Variants in MYO10 observed in about 807,000 individuals in gnomAD.
MYO10 encodes unconventional myosin-X.
MYO10 carries 133 observed loss-of-function variants against 257.3 expected under a neutral mutation model. The ratio of observed to expected loss-of-function variants is 0.52; its 90% CI spans 0.45 to 0.60. The LOEUF (loss-of-function observed/expected upper bound fraction) is 0.60, where lower values mean the gene tolerates loss of function less well. MYO10 is among the 20% of genes least tolerant of loss of function. The probability of loss-of-function intolerance (pLI) is 0.00; values close to 1 mark genes in which losing one functional copy is unlikely to be tolerated. For missense variants in MYO10, 2,399 were observed against 2,635.7 expected (o/e 0.91, Z 1.97); for synonymous variants, 1,104 against 1,028.6 (o/e 1.07, Z -1.40).
intron 27 of MYO10, among the ~76,000 whole-genome samples, chr5:16,693,476 C>T (rs1204270590): frequency 6.6e-6 from 1 of 152,226 alleles, no homozygotes; most frequent in East Asian, 1.9e-4. Context: ...CATGAGTTTT[C>T]CCTTACAATC....
rs183292268 is a variant in MYO10, at chr5:16,745,414, G to A, written c.1929+9414C>T. ...AAAAATTCAAAAGCAGACCAGGCAC[G>A]GTGAGTCACATCTGTAATCCCAGCA... On this transcript the variant is annotated intron_variant, in intron 19 of 40. Coordinates refer to ENST00000513610, the MANE Select transcript of MYO10 (RefSeq NM_012334.3). Among the ~76,000 whole-genome samples the A allele has an allele frequency of 5.9e-3, 898 of 152,252 alleles. 4 individuals are homozygous for A. The highest frequency in any genetic ancestry group is 9.4e-3 in the Non-Finnish European group (642 of 68,020).
Position 16,830,145 on chromosome 5 carries a change from C to G in MYO10, c.121-11978G>C, listed in dbSNP as rs75721238. Among the ~76,000 whole-genome samples, 411 of 151,572 alleles carry G rather than the reference C, an allele frequency of 2.7e-3. 3 individuals are homozygous for G. Among genetic ancestry groups the G allele is most frequent in the African/African-American group, 9.7e-3 (399 of 41,312 alleles). ...CAGCTACTTGGGAGGCTGAGGTTGA[C>G]GAATTACTTGAACCCAGGAGGCAGA... On this transcript the variant is annotated intron_variant, in intron 2 of 40. Transcript: ENST00000513610.
At chr5:16,752,614 G>C (rs1740410116) in intron 19 of MYO10, among the ~76,000 whole-genome samples, 1 of 152,166 alleles carries the variant, frequency 6.6e-6, no homozygotes. Context: ...ATTGACAAAA[G>C]ACCTTGCACG....
rs376325340 is a variant in MYO10 at position 16,701,389 on chromosome 5, G to A, written c.3006C>T (p.Asp1002=). The A allele has an allele frequency of 1.1e-4, 172 of 1,613,884 alleles. No homozygotes were observed. Among genetic ancestry groups the A allele is most frequent in the Admixed American group, 3.3e-4 (20 of 60,004 alleles). ...EVDEGFEADD[D]AFKDSPNPSE... Reference sequence around the variant, plus strand: ...TGGGGTTGGGGGAGTCCTTGAAGGCGTCGTCGTCGGCTTCGAAGCCCTCAT... The same window carrying A: ...TGGGGTTGGGGGAGTCCTTGAAGGCATCGTCGTCGGCTTCGAAGCCCTCAT... The change falls in exon 25 of 41, where the codon GAC becomes GAT. Residue 1002 remains aspartate (D), a synonymous_variant. Transcript: ENST00000513610. The surrounding 1 kb of genome is among the most constrained non-coding windows in gnomAD (Gnocchi z 8.1).
chr5:16,832,923 G>A (rs1255771870), intron 2 of MYO10, among the ~76,000 whole-genome samples: 7 of 152,074 alleles, frequency 4.6e-5, no homozygotes, highest in Admixed American at 4.6e-4. Flanking sequence ...TCCCTCCATT[G>A]CCAACCACTG....
chr5:16,745,582 G>T (rs1044167244), intron 19 of MYO10, among the ~76,000 whole-genome samples: 1 of 152,078 alleles, frequency 6.6e-6, no homozygotes, highest in African/African-American at 2.4e-5. Flanking sequence ...CCAGCTATTT[G>T]GGAGGCTGGG....
In MYO10 at chr5:16,935,909, C is replaced by A. The variant is rs1410210002; in HGVS notation, c.-101G>T. ...ACCATGCGTGTCACGGCGCCACTCC[C>A]GAGGACGCGCGCCCGCGGGGCTCCC... is the stretch of plus-strand genomic sequence containing the variant. On this transcript the variant is annotated 5_prime_UTR_variant, in exon 1 of 41. Transcript: ENST00000513610. 8 of 1,438,208 alleles carry A rather than the reference C, an allele frequency of 5.6e-6. No homozygotes were observed. The highest frequency in any genetic ancestry group is 5.7e-6 in the Non-Finnish European group (6 of 1,048,414). 89.1% of individuals were successfully genotyped at this position (1,438,208 alleles called of 1,614,324 possible). A position where few individuals can be genotyped will look rare whatever the true frequency, so the allele number is the denominator to read the frequency against.
intron 26 of MYO10, among the ~76,000 whole-genome samples, chr5:16,697,557 G>T (rs2126538868): frequency 6.6e-6 from 1 of 152,214 alleles, no homozygotes; most frequent in East Asian, 1.9e-4. Flanking sequence ...AAAATTAGCT[G>T]GGCATTGGCG....
chr5:16,719,146 G>A (rs891606174), intron 19 of MYO10, among the ~76,000 whole-genome samples: 1 of 152,126 alleles, frequency 6.6e-6, no homozygotes, highest in Non-Finnish European at 1.5e-5. Flanking sequence ...ACGAAGATCT[G>A]CAGCTTCACT....
chr5:16,823,725 G>A (rs1280357142), intron 2 of MYO10, among the ~76,000 whole-genome samples: 2 of 149,884 alleles, frequency 1.3e-5, no homozygotes, highest in Non-Finnish European at 3.0e-5. Flanking sequence ...GCCCGCCTTG[G>A]CCTCCCAAAA....
intron 19 of MYO10, among the ~76,000 whole-genome samples, chr5:16,752,307 G>C (rs1420708469): frequency 2.0e-5 from 3 of 152,164 alleles, no homozygotes; most frequent in African/African-American, 7.2e-5. Flanking sequence ...TTTTGAAACA[G>C]AGTCTTGCTG....
chr5:16,727,669 A>G (rs961032103), intron 19 of MYO10, among the ~76,000 whole-genome samples: 8 of 152,130 alleles, frequency 5.3e-5, no homozygotes, highest in Non-Finnish European at 8.8e-5. Context: ...TCCCTAACAA[A>G]TTTATATTTA....
At chr5:16,913,950 C>T (rs569846863) in intron 1 of MYO10, among the ~76,000 whole-genome samples, 1 of 152,152 alleles carries the variant, frequency 6.6e-6, no homozygotes. Context: ...CTACACTCAG[C>T]CCCTTTTATG....
intron 2 of MYO10, among the ~76,000 whole-genome samples, chr5:16,836,996 G>T (rs1483461449): frequency 6.6e-6 from 1 of 152,200 alleles, no homozygotes; most frequent in African/African-American, 2.4e-5. Context: ...ATACCAGGGA[G>T]TATTATTTGG....
At chr5:16,776,419 C>T (rs1741213972) in intron 9 of MYO10, among the ~76,000 whole-genome samples, 1 of 151,976 alleles carries the variant, frequency 6.6e-6, no homozygotes, top group Non-Finnish European at 1.5e-5. Flanking sequence ...TAAACATCAG[C>T]TAAGTTTTCA....
At chr5:16,739,701 A>C (rs1206658913) in intron 19 of MYO10, among the ~76,000 whole-genome samples, 1 of 152,174 alleles carries the variant, frequency 6.6e-6, no homozygotes, top group Non-Finnish European at 1.5e-5. Flanking sequence ...AGATTTATTA[A>C]GTTAAAAAAA....
chr5:16,834,770 T>C (rs182961214), intron 2 of MYO10, among the ~76,000 whole-genome samples: 1 of 152,258 alleles, frequency 6.6e-6, no homozygotes, highest in Admixed American at 6.5e-5. Flanking sequence ...CAAATATGAA[T>C]ACACCTCTTA....
At chr5:16,725,219 T>G (rs2126606117) in intron 19 of MYO10, among the ~76,000 whole-genome samples, 1 of 151,270 alleles carries the variant, frequency 6.6e-6, no homozygotes, top group African/African-American at 2.4e-5. Context: ...CCTGAGTAGC[T>G]AGGATTACAG....
intron 40 of MYO10, among the ~76,000 whole-genome samples, chr5:16,667,154 G>C (rs987355438): frequency 6.6e-6 from 1 of 152,208 alleles, no homozygotes; most frequent in African/African-American, 2.4e-5. Context: ...TGAAATGACA[G>C]AGTCCACAAT....
Sources: gnomAD v4.1 joint callset for allele counts (sites outside exome capture counted in the v4.1 genomes callset) on GRCh38, gnomAD v4.1.1 for gene constraint, Gnocchi (gnomAD v3.1) non-coding constraint, MANE v1.5 for transcripts, NCBI Gene and HGNC (gene_info 2026-07-23, HGNC 2026-07-21) for gene names.